C11orf65: variants seen among roughly 807,000 people sequenced by gnomAD.
C11orf65 encodes the protein protein MFI.
Under a neutral mutation model 35.3 loss-of-function variants are expected in C11orf65, and 38 were observed. The ratio of observed to expected loss-of-function variants is 1.08; its 90% CI spans 0.83 to 1.41. C11orf65 has a LOEUF of 1.41. Ranked by LOEUF, C11orf65 falls within the 40% of genes most tolerant of loss-of-function variation. C11orf65 has a pLI of 0.00. For missense variants in C11orf65, 370 were observed against 367.1 expected, an observed-to-expected ratio of 1.01 and a Z score of -0.06; for synonymous variants, 105 against 114.4, an observed-to-expected ratio of 0.92 and a Z score of 0.53.
chr11:108,462,506 T>C (rs913621421), intron 1 of C11orf65: 4 of 152,244 alleles, frequency 2.6e-5, no homozygotes, highest in African/African-American at 7.2e-5. Flanking sequence ...AAACCAGTTA[T>C]TGAATTCAAG....
Position 108,317,613 on chromosome 11 carries a change from TTTTATA to T in C11orf65, c.641-8548_641-8543del, listed in dbSNP as rs1357553904. On this transcript the variant is annotated intron_variant, in intron 6 of 6. Transcript: ENST00000525729. The stretch of plus-strand genomic sequence containing the variant: ...TCTTCTATGAATATAACAGGAGTTG[TTTTATA>T]TATATATATATATATATATATATAT... 152 of 270,316 alleles carry T rather than the reference TTTTATA, an allele frequency of 5.6e-4. No individual in the cohort carries two copies. The African/African-American group carries it at 9.8e-3, about 17-fold the overall frequency. The allele number at this position is 270,316 out of a possible 1,614,324, so 16.7% of individuals were successfully genotyped here. A position where few individuals can be genotyped will look rare whatever the true frequency, so the allele number is the denominator to read the frequency against.
chr11:108,413,312 T>C (rs2092686516), intron 3 of C11orf65, among the ~76,000 whole-genome samples: 2 of 152,172 alleles, frequency 1.3e-5, no homozygotes, highest in Admixed American at 1.3e-4. Context: ...TTGTATCCAT[T>C]AACTAATTTC....
intron 6 of C11orf65, among the ~76,000 whole-genome samples, chr11:108,312,833 G>C (rs1027151517): frequency 2.6e-5 from 4 of 152,120 alleles, no homozygotes; most frequent in Non-Finnish European, 5.9e-5. Context: ...TTGTTTGCTT[G>C]TTTATTGTAT....
At chr11:108,362,356 G>T (rs2090869440) in intron 2 of C11orf65, among the ~76,000 whole-genome samples, 1 of 151,484 alleles carries the variant, frequency 6.6e-6, no homozygotes, top group Non-Finnish European at 1.5e-5. Context: ...TGGTGGGACT[G>T]TAAACTAGTT....
intron 6 of C11orf65, among the ~76,000 whole-genome samples, chr11:108,317,868 A>G (rs996634335): frequency 1.3e-5 from 2 of 151,684 alleles, no homozygotes; most frequent in African/African-American, 4.8e-5. Context: ...AAATATTTCT[A>G]AAAACAGAAA....
intron 3 of C11orf65, among the ~76,000 whole-genome samples, chr11:108,410,893 T>C (rs993622797): frequency 2.6e-5 from 4 of 151,810 alleles, no homozygotes; most frequent in Non-Finnish European, 4.4e-5. Flanking sequence ...ATATTTTTAG[T>C]AGAGACGGGG....
At chr11:108,398,641 A>C (rs1377269113) in intron 6 of C11orf65, among the ~76,000 whole-genome samples, 7 of 152,230 alleles carry the variant, frequency 4.6e-5, no homozygotes, top group Non-Finnish European at 8.8e-5. Context: ...CCAGCTAGTA[A>C]TGTGACGGTG....
intron 2 of C11orf65, among the ~76,000 whole-genome samples, chr11:108,443,556 T>C (rs1227926221): frequency 3.3e-5 from 5 of 152,136 alleles, no homozygotes; most frequent in Admixed American, 6.5e-5. Context: ...TATCCCAAAA[T>C]TGACCCCATA....
At chr11:108,403,139 C>T (rs1315231139) in intron 6 of C11orf65, among the ~76,000 whole-genome samples, 6 of 152,030 alleles carry the variant, frequency 3.9e-5, no homozygotes, top group Non-Finnish European at 7.4e-5. Context: ...GGTGTGTTTA[C>T]TTGTTTAAAA....
chr11:108,410,734 A>T (rs2092640065), intron 3 of C11orf65, among the ~76,000 whole-genome samples: 2 of 141,836 alleles, frequency 1.4e-5, no homozygotes. Context: ...TTTGAGACAG[A>T]GTCTTGCTCT....
At position 108,343,386 on chromosome 11, in the gene C11orf65, A is replaced by C. The variant is rs1565558731; in HGVS notation, c.227-8094T>G. 4 of 1,613,570 alleles carry C rather than the reference A, an allele frequency of 2.5e-6. No homozygotes were observed. The highest frequency in any genetic ancestry group is 3.4e-6 in the Non-Finnish European group (4 of 1,179,604). On this transcript the variant is annotated intron_variant, in intron 2 of 3. Coordinates refer to the C11orf65 transcript ENST00000524755. Reference sequence around the variant, plus strand: ...AGAAAATGATGGTGAGTGACACCCAAAATTAAAGGTTATTGTAAGATTATT... The same window carrying C: ...AGAAAATGATGGTGAGTGACACCCACAATTAAAGGTTATTGTAAGATTATT...
intron 2 of C11orf65, chr11:108,346,467 G>A (rs955921427): frequency 2.7e-5 from 4 of 150,936 alleles, no homozygotes; most frequent in Non-Finnish European, 5.9e-5. Flanking sequence ...GAGAACTAAT[G>A]TAAACATTAG....
At chr11:108,367,437 A>T (rs1456440357) in intron 2 of C11orf65, 1 of 200,870 alleles carries the variant, frequency 5.0e-6, no homozygotes, top group East Asian at 7.8e-5. Context: ...CATAGGTAGA[A>T]GTGGAACATT....
intron 2 of C11orf65, among the ~76,000 whole-genome samples, chr11:108,457,257 C>G (rs1279281588): frequency 6.6e-6 from 1 of 151,984 alleles, no homozygotes; most frequent in Admixed American, 6.6e-5. Context: ...TTGCAGAAAG[C>G]CAACAGATTA....
intron 6 of C11orf65, among the ~76,000 whole-genome samples, chr11:108,403,833 G>A (rs562355312): frequency 3.3e-5 from 5 of 152,122 alleles, no homozygotes; most frequent in African/African-American, 9.6e-5. Flanking sequence ...TTATTTTTTT[G>A]AGACGGAGTC....
chr11:108,383,785 TG>T (rs1225544297), intron 8 of C11orf65, among the ~76,000 whole-genome samples: 1 of 152,178 alleles, frequency 6.6e-6, no homozygotes, highest in Non-Finnish European at 1.5e-5. Flanking sequence ...AATTTTCACT[TG>T]CTTTTATGCT....
At chr11:108,409,427 A>G (rs561552925) in intron 3 of C11orf65, among the ~76,000 whole-genome samples, 1 of 152,292 alleles carries the variant, frequency 6.6e-6, no homozygotes, top group South Asian at 2.1e-4. Flanking sequence ...GCCCCGACTT[A>G]AAGTGGTTCA....
chr11:108,386,259 C>T (rs897228681), intron 7 of C11orf65, among the ~76,000 whole-genome samples: 1 of 152,130 alleles, frequency 6.6e-6, no homozygotes, highest in Non-Finnish European at 1.5e-5. Context: ...CCTGTTAATT[C>T]CAGAAAGATC....
chr11:108,447,812 C>T (rs968982750), intron 2 of C11orf65, among the ~76,000 whole-genome samples: 6 of 151,920 alleles, frequency 3.9e-5, no homozygotes, highest in African/African-American at 1.5e-4. Flanking sequence ...AATAGAGACA[C>T]AAAAAACGCT....
Sources: gnomAD v4.1 joint callset for allele counts (sites outside exome capture counted in the v4.1 genomes callset) on GRCh38, gnomAD v4.1.1 for gene constraint, MANE v1.5 for transcripts, NCBI Gene and HGNC (gene_info 2026-07-23, HGNC 2026-07-21) for gene names.